Variants in TYW1 observed in about 807,000 individuals in gnomAD.
TYW1 encodes the protein tRNA-yW synthesizing protein 1 homolog.
Under a neutral mutation model 96.2 loss-of-function variants are expected in TYW1, and 46 were observed. The observed-to-expected ratio is 0.48, with a 90% confidence interval of 0.38 to 0.61. The LOEUF is 0.61. TYW1 is among the 20% of genes least tolerant of loss of function. The pLI is 0.00. For missense variants in TYW1, 684 were observed against 909.6 expected (o/e 0.75, Z 3.19); for synonymous variants, 274 against 323.0 (o/e 0.85, Z 1.63).
intron 7 of TYW1, among the ~76,000 whole-genome samples, chr7:67,038,170 G>A (rs1011016622): frequency 2.0e-5 from 3 of 152,104 alleles, no homozygotes; most frequent in Admixed American, 6.6e-5. Flanking sequence ...TGGCGTGGTG[G>A]CAGATGCATG....
rs1341571996 is a variant in TYW1 at position 67,014,453 on chromosome 7, G to C, written c.462G>C (p.Trp154Cys). The C allele has an allele frequency of 6.2e-7, 1 of 1,613,920 alleles. No individual in the cohort carries two copies. The highest frequency in any genetic ancestry group is 8.5e-7 in the Non-Finnish European group (1 of 1,179,860). Residue 154 changes from tryptophan to cysteine, a missense_variant, in exon 5 of 16, where the codon TGG becomes TGC. Physicochemically the swap from Trp to Cys is radical, Grantham distance 215. Transcript: ENST00000359626. The stretch of plus-strand genomic sequence containing the variant: ...AAAGTGCAGAGTGGTTCTGCAAATG[G>C]TTAGAGGAAGCATCCATTGATTTTC... Reference protein sequence around the residue: ...PTESAEWFCKWLEEASIDFRF... With the variant: ...PTESAEWFCKCLEEASIDFRF...
At chr7:67,067,220 C>T (rs1795893644) in intron 9 of TYW1, 65 bp from the exon 10 acceptor site, 3 of 1,498,946 alleles carry the variant, frequency 2.0e-6, no homozygotes, top group Non-Finnish European at 2.8e-6. Context: ...AAAAATGATG[C>T]CTTGGTGGTT....
At chr7:67,210,902 G>A (rs1010943892) in intron 15 of TYW1, among the ~76,000 whole-genome samples, 10,926 of 102,652 alleles carry the variant, frequency 0.11, 567 homozygotes, top group African/African-American at 0.18. Flanking sequence ...CTATCCATCT[G>A]TCCATCCATC....
Position 67,234,070 on chromosome 7 carries a change from G to A in TYW1, c.1978-4238G>A, listed in dbSNP as rs572902651. On this transcript the variant is annotated intron_variant, in intron 15 of 15. Transcript: ENST00000359626. ...TTTATAAGAAGAGACATCAGGGCTGGGTGCGGTGGCTCATGCCTATGATCC... is the reference window on the plus strand; with the variant it reads ...TTTATAAGAAGAGACATCAGGGCTGAGTGCGGTGGCTCATGCCTATGATCC... Among the ~76,000 whole-genome samples the A allele has an allele frequency of 5.2e-5, 7 of 135,480 alleles. 2 individuals are homozygous for A. Among genetic ancestry groups the A allele is most frequent in the African/African-American group, 2.1e-4 (7 of 33,918 alleles). The allele number at this position is 135,480 out of a possible 152,430, so 88.9% of individuals were successfully genotyped here. A position where few individuals can be genotyped will look rare whatever the true frequency, so the allele number is the denominator to read the frequency against.
intron 10 of TYW1, among the ~76,000 whole-genome samples, chr7:67,073,071 A>G (rs1796084558): frequency 6.7e-6 from 1 of 149,902 alleles, no homozygotes; most frequent in Non-Finnish European, 1.5e-5. Flanking sequence ...GGCGTGGGCT[A>G]CCATACCATA....
chr7:67,200,771 A>G (rs1483959103), intron 15 of TYW1, among the ~76,000 whole-genome samples: 1 of 152,186 alleles, frequency 6.6e-6, no homozygotes, highest in Non-Finnish European at 1.5e-5. Context: ...TCTGAGGACT[A>G]CTTGGTCCCA....
intron 7 of TYW1, among the ~76,000 whole-genome samples, chr7:67,045,264 G>A (rs1795151202): frequency 6.6e-6 from 1 of 151,920 alleles, no homozygotes; most frequent in African/African-American, 2.4e-5. Flanking sequence ...ATGCTAGAGT[G>A]CAGTGGTGTG....
At position 67,018,017 on chromosome 7, in the gene TYW1, AGG is replaced by A. The variant is rs867171067; in HGVS notation, c.738_739del (p.Arg248LysfsTer14). On this transcript the variant is annotated frameshift_variant, in exon 6 of 16. Coordinates refer to ENST00000359626, the MANE Select transcript of TYW1 (RefSeq NM_018264.4). LOFTEE classifies it high-confidence loss of function. ...TCTCCCAGCTGCAGGCACTTCAGAA[AGG>A]GGAGAGAAAGAAGTCCTGTGGCGGC... ...FISQLQALQK[G>X]ERKKSCGGHC... is the part of the protein sequence containing the mutation. 3 of 1,614,008 alleles carry A rather than the reference AGG, an allele frequency of 1.9e-6. No individual in the cohort carries two copies. Among genetic ancestry groups the A allele is most frequent in the African/African-American group, 1.3e-5 (1 of 74,922 alleles).
intron 7 of TYW1, among the ~76,000 whole-genome samples, chr7:67,049,529 A>T (rs7808645): frequency 0.24 from 36,475 of 151,564 alleles, 4,648 homozygotes; most frequent in African/African-American, 0.31. Context: ...CTTTTTAAAA[A>T]TTTTTTTTTA....
chr7:67,052,963 G>A (rs7778191), intron 8 of TYW1, among the ~76,000 whole-genome samples: 2 of 151,804 alleles, frequency 1.3e-5, no homozygotes, highest in African/African-American at 2.4e-5. Context: ...GGATGGTCTC[G>A]ATCTCCTGAC....
chr7:67,234,918 A>G (rs1298704913), intron 15 of TYW1, among the ~76,000 whole-genome samples: 2 of 150,674 alleles, frequency 1.3e-5, no homozygotes, highest in African/African-American at 2.5e-5. Context: ...CGTGTACTAG[A>G]TTGAGATATA....
intron 13 of TYW1, among the ~76,000 whole-genome samples, chr7:67,147,159 T>A (rs1354708083): frequency 6.6e-6 from 1 of 152,116 alleles, no homozygotes; most frequent in Non-Finnish European, 1.5e-5. Flanking sequence ...AACCACAGAT[T>A]GAAAATATTC....
At chr7:67,177,895 T>G (rs1185861819) in intron 13 of TYW1, among the ~76,000 whole-genome samples, 3 of 150,350 alleles carry the variant, frequency 2.0e-5, no homozygotes, top group African/African-American at 7.4e-5. Context: ...GGCTCATGCC[T>G]GTAATCCTAG....
intron 15 of TYW1, among the ~76,000 whole-genome samples, chr7:67,198,116 T>G (rs1298888464): frequency 1.3e-5 from 2 of 152,134 alleles, no homozygotes; most frequent in Non-Finnish European, 2.9e-5. Flanking sequence ...GTTATCAACT[T>G]CAAAATTGTA....
chr7:67,047,783 A>ATTTTTTT (rs36007120), intron 7 of TYW1, among the ~76,000 whole-genome samples: 4 of 79,870 alleles, frequency 5.0e-5, no homozygotes, highest in Admixed American at 1.7e-4. Flanking sequence ...GTGAGTGTCA[A>ATTTTTTT]TTTTTTTTTT....
intron 11 of TYW1, among the ~76,000 whole-genome samples, chr7:67,097,556 G>A (rs529874823): frequency 2.0e-5 from 3 of 152,234 alleles, no homozygotes; most frequent in East Asian, 3.9e-4. Flanking sequence ...CCGCCACCAC[G>A]CCCAGCTAAT....
chr7:67,039,819 C>T (rs1407490183), intron 7 of TYW1, among the ~76,000 whole-genome samples: 6 of 151,498 alleles, frequency 4.0e-5, no homozygotes, highest in African/African-American at 1.5e-4. Flanking sequence ...CGTGCCACCA[C>T]GCCCAGCTAA....
At chr7:67,038,882 C>T (rs1794925291) in intron 7 of TYW1, among the ~76,000 whole-genome samples, 1 of 151,908 alleles carries the variant, frequency 6.6e-6, no homozygotes, top group African/African-American at 2.4e-5. Flanking sequence ...CCAGCCTGGG[C>T]AACACAGCAA....
intron 10 of TYW1, among the ~76,000 whole-genome samples, chr7:67,068,220 C>T (rs1795927980): frequency 6.6e-6 from 1 of 152,088 alleles, no homozygotes; most frequent in East Asian, 1.9e-4. Flanking sequence ...TGGGGTTTCA[C>T]CATGTTGGCC....
Sources: allele counts gnomAD v4.1 joint callset (sites outside exome capture counted in the v4.1 genomes callset), GRCh38; gene constraint gnomAD v4.1.1; transcripts MANE v1.5; gene names NCBI Gene and HGNC (gene_info 2026-07-23, HGNC 2026-07-21).